Variants in BACH2 observed in about 807,000 individuals in gnomAD.
BACH2 encodes the protein BACH transcriptional regulator 2.
Under a neutral mutation model 61.8 loss-of-function variants are expected in BACH2, and 5 were observed. That is an observed-to-expected ratio of 0.08 (90% CI 0.04 to 0.17). The LOEUF is 0.17. BACH2 is among the 10% of genes least tolerant of loss of function. The pLI is 1.00. For synonymous variants in BACH2, 446 were observed against 440.1 expected, an observed-to-expected ratio of 1.01 and a Z score of -0.17; for missense variants, 824 against 1,091.1, an observed-to-expected ratio of 0.76 and a Z score of 3.45.
intron 4 of BACH2, among the ~76,000 whole-genome samples, chr6:90,103,314 C>T (rs1432019485): frequency 6.6e-6 from 1 of 151,862 alleles, no homozygotes; most frequent in Non-Finnish European, 1.5e-5. Context: ...GTGTGGAAGA[C>T]CTTGTCCCTC....
intron 3 of BACH2, among the ~76,000 whole-genome samples, chr6:90,242,813 A>G (rs946110589): frequency 6.6e-6 from 1 of 152,184 alleles, no homozygotes; most frequent in Non-Finnish European, 1.5e-5. Context: ...ACTAAACTTG[A>G]AAGATAATGT....
At chr6:90,056,417 G>C (rs1000701345) in intron 5 of BACH2, among the ~76,000 whole-genome samples, 1 of 152,092 alleles carries the variant, frequency 6.6e-6, no homozygotes, top group Non-Finnish European at 1.5e-5. Flanking sequence ...AACAAGAAGA[G>C]CTAACTATCC....
At chr6:89,938,425 A>G (rs1344265859) in intron 7 of BACH2, 75 bp from the exon 8 acceptor site, 2 of 1,279,262 alleles carry the variant, frequency 1.6e-6, no homozygotes, top group Non-Finnish European at 2.2e-6. Context: ...CAAAAATGAT[A>G]AAACCTCCTT....
At chr6:90,218,736 A>G (rs1260628692) in intron 3 of BACH2, among the ~76,000 whole-genome samples, 2 of 152,066 alleles carry the variant, frequency 1.3e-5, no homozygotes, top group East Asian at 1.9e-4. Context: ...GGGCCGTGAA[A>G]AGCAGATGAA....
intron 1 of BACH2, among the ~76,000 whole-genome samples, chr6:90,281,253 T>C (rs534984484): frequency 7.4e-4 from 112 of 152,210 alleles, no homozygotes; most frequent in Non-Finnish European, 1.2e-3. Flanking sequence ...AGTGTTCCCA[T>C]GTGCACTTGA....
intron 5 of BACH2, among the ~76,000 whole-genome samples, chr6:90,054,923 G>C (rs559019158): frequency 2.7e-4 from 41 of 152,326 alleles, no homozygotes; most frequent in African/African-American, 9.1e-4. Flanking sequence ...CTGTCTGTTA[G>C]AAGGAAAACT....
chr6:90,009,209 G>T (rs1294490421), intron 5 of BACH2, among the ~76,000 whole-genome samples: 1 of 152,202 alleles, frequency 6.6e-6, no homozygotes. Flanking sequence ...GGCTGAAAAA[G>T]AAATTTCACA....
intron 7 of BACH2, 149 bp from the exon 8 acceptor site, chr6:89,938,499 A>G: frequency 1.5e-6 from 1 of 653,934 alleles, no homozygotes. Context: ...TTTCCTGTTT[A>G]AAGACAGATA....
chr6:90,142,316 A>G (rs1784486921), intron 4 of BACH2, among the ~76,000 whole-genome samples: 1 of 152,114 alleles, frequency 6.6e-6, no homozygotes, highest in African/African-American at 2.4e-5. Context: ...TGCATCACTT[A>G]TTGTGTTGTT....
At chr6:90,165,887 C>T (rs1767594558) in intron 4 of BACH2, among the ~76,000 whole-genome samples, 1 of 152,162 alleles carries the variant, frequency 6.6e-6, no homozygotes. Flanking sequence ...CCCTTCCTTA[C>T]ACCTTATACA....
At position 90,249,841 on chromosome 6, in the gene BACH2, G is replaced by C. The variant is rs1770749895; in HGVS notation, c.-275+2672C>G. Among the ~76,000 whole-genome samples the C allele has an allele frequency of 3.9e-5, 6 of 152,110 alleles. No individual in the cohort carries two copies. In the South Asian group the frequency reaches 1.2e-3, roughly 32 times the overall value. On this transcript the variant is annotated intron_variant, in intron 3 of 8. Transcript: ENST00000257749. ...CACTAAGCATTTTATCCAGAAGCAA[G>C]AAAACCCTACCAAGAATTTGTATTT...
chr6:90,154,483 T>C lies in BACH2; in HGVS notation c.-162+52086A>G, dbSNP rs1582426695. Among the ~76,000 whole-genome samples, 3 of 152,312 alleles carry C rather than the reference T, an allele frequency of 2.0e-5. No homozygotes were observed. In the South Asian group the frequency reaches 6.2e-4, roughly 32 times the overall value. On this transcript the variant is annotated intron_variant, in intron 4 of 8. Transcript: ENST00000257749. ...CTGAGACCTAGAAGGAGTAGGTGAC[T>C]TTCTCAAGGCCACTCTATACTAGGA...
At chr6:90,173,759 T>A (rs1767895934) in intron 4 of BACH2, among the ~76,000 whole-genome samples, 1 of 152,156 alleles carries the variant, frequency 6.6e-6, no homozygotes, top group African/African-American at 2.4e-5. Flanking sequence ...AGTGGTTACA[T>A]GACTATACAC....
Position 89,930,353 on chromosome 6 carries a change from T to C in BACH2, c.*2055A>G, listed in dbSNP as rs948192556. The C allele has an allele frequency of 4.0e-5, 6 of 151,238 alleles. No homozygotes were observed. Among genetic ancestry groups the C allele is most frequent in the African/African-American group, 1.5e-4 (6 of 40,960 alleles). The allele number at this position is 151,238 out of a possible 1,614,324, so 9.4% of individuals were successfully genotyped here. A position where few individuals can be genotyped will look rare whatever the true frequency, so the allele number is the denominator to read the frequency against. ...AAAAAGTTAATAATACTAAAACATA[T>C]GTTACTATGATTTCACTTTTAGCCT... is the stretch of plus-strand genomic sequence containing the variant. On this transcript the variant is annotated 3_prime_UTR_variant, in exon 9 of 9. Coordinates refer to ENST00000257749, the MANE Select transcript of BACH2 (RefSeq NM_021813.4).
chr6:89,951,438 T>A lies in BACH2; in HGVS notation c.668A>T (p.Asp223Val), dbSNP rs1360891309. 1.2e-6 allele frequency: 2 copies of A among 1,614,106 alleles called. No individual in the cohort carries two copies. The highest frequency in any genetic ancestry group is 1.7e-6 in the Non-Finnish European group (2 of 1,180,050). ...GTATCTGGGGTACTGCGTTAACGCG[T>A]CCTTTTCTGAGCTCTCCTTGGTGTC... ...PTDTKESSEK[D>V]ALTQYPRYKK... The change falls in exon 7 of 9, where the codon GAC becomes GTC. Residue 223 changes from aspartate to valine, a missense_variant. By Grantham distance (152) the Asp-to-Val change is radical. This residue lies in a region of BACH2 where 19 missense variants were observed against 44.2 expected (regional missense o/e 0.43). Coordinates refer to ENST00000257749, the MANE Select transcript of BACH2 (RefSeq NM_021813.4). This position sits in a 1 kb window ranked among gnomAD's most constrained non-coding sequence, Gnocchi z 6.4.
At chr6:89,966,385 C>T (rs1775048089) in intron 6 of BACH2, among the ~76,000 whole-genome samples, 1 of 152,208 alleles carries the variant, frequency 6.6e-6, no homozygotes, top group Non-Finnish European at 1.5e-5. Context: ...TGATGCAATG[C>T]AGGCACCATC....
At chr6:90,121,464 T>TA (rs571758843) in intron 4 of BACH2, among the ~76,000 whole-genome samples, 167 of 152,272 alleles carry the variant, frequency 1.1e-3, no homozygotes, top group Middle Eastern at 3.4e-3. Flanking sequence ...CTTATTTAAA[T>TA]AAAAACTATT....
chr6:89,943,950 T>C (rs1352700658), intron 7 of BACH2, among the ~76,000 whole-genome samples: 3 of 152,204 alleles, frequency 2.0e-5, no homozygotes, highest in Non-Finnish European at 2.9e-5. Flanking sequence ...GGAAGCAATA[T>C]GCCCATTGGA....
chr6:90,108,686 G>A (rs1241563912), intron 4 of BACH2, among the ~76,000 whole-genome samples: 1 of 152,228 alleles, frequency 6.6e-6, no homozygotes, highest in Admixed American at 6.5e-5. Flanking sequence ...CCAAATGGTT[G>A]GGGCAGTGGA....
Sources: gnomAD v4.1 joint callset for allele counts (sites outside exome capture counted in the v4.1 genomes callset) on GRCh38, gnomAD v4.1.1 for gene constraint, gnomAD v4.1.1 regional missense constraint, Gnocchi (gnomAD v3.1) non-coding constraint, MANE v1.5 for transcripts, NCBI Gene and HGNC (gene_info 2026-07-23, HGNC 2026-07-21) for gene names.